Variants in SSH1 observed in about 807,000 individuals in gnomAD.
SSH1 encodes the protein slingshot protein phosphatase 1, also known as protein phosphatase Slingshot homolog 1.
SSH1 carries 43 observed loss-of-function variants against 79.7 expected under a neutral mutation model. That is an observed-to-expected ratio of 0.54 (90% CI 0.42 to 0.70). SSH1 has a LOEUF of 0.70. Among genes scored for constraint, SSH1 ranks in the 30% least tolerant of loss-of-function variants. SSH1 has a pLI of 0.00. For missense variants in SSH1, 1,206 were observed against 1,358.8 expected (o/e 0.89, Z 1.77); for synonymous variants, 599 against 538.3 (o/e 1.11, Z -1.56).
chr12:108,819,608 C>T (rs1408889728), intron 3 of SSH1, among the ~76,000 whole-genome samples: 1 of 152,170 alleles, frequency 6.6e-6, no homozygotes, highest in Admixed American at 6.5e-5. Flanking sequence ...GCAGGAGACT[C>T]ACTTGAGGCC....
Position 108,789,035 on chromosome 12 carries a change from CG to C in SSH1, c.2102del (p.Pro701ArgfsTer34). 6.2e-7 allele frequency: 1 copy of C among 1,608,646 alleles called. No individual in the cohort carries two copies. Among genetic ancestry groups the C allele is most frequent in the Non-Finnish European group, 8.5e-7 (1 of 1,176,314 alleles). On this transcript the variant is annotated frameshift_variant, in exon 15 of 15. Transcript: ENST00000326495. LOFTEE classifies it low-confidence loss of function (END_TRUNC). ...CGGTTGGGCCAGAGGCTGGCTTCTC[CG>C]GAACACGGGACCTGCTGGCCAAGTG... ...VAHLASRSRVPEKPASGPTEP... is the reference protein window; with the variant it reads ...VAHLASRSRVXEKPASGPTEP...
intron 13 of SSH1, among the ~76,000 whole-genome samples, chr12:108,798,010 G>A (rs1378159146): frequency 6.6e-6 from 1 of 152,224 alleles, no homozygotes; most frequent in Non-Finnish European, 1.5e-5. Flanking sequence ...CACACCCTCT[G>A]AGGCCTTAGG....
chr12:108,819,205 T>C (rs1319906136), intron 3 of SSH1, among the ~76,000 whole-genome samples: 1 of 152,234 alleles, frequency 6.6e-6, no homozygotes, highest in East Asian at 1.9e-4. Flanking sequence ...TGTCATTTTC[T>C]CTTTTCTTGC....
At chr12:108,796,934 G>T (rs1485264842) in intron 13 of SSH1, among the ~76,000 whole-genome samples, 1 of 151,950 alleles carries the variant, frequency 6.6e-6, no homozygotes, top group Non-Finnish European at 1.5e-5. Context: ...TAGAGATGGG[G>T]TTTCTCCATG....
Position 108,787,787 on chromosome 12 carries a change from C to T in SSH1, c.*201G>A. The stretch of plus-strand genomic sequence containing the variant: ...GGCGGCTCCTGGTTCTCCCAGGCCA[C>T]ACGACTGACAGCTCCCCTTCTTGTG... On this transcript the variant is annotated 3_prime_UTR_variant, in exon 15 of 15. Transcript: ENST00000326495. 1.5e-6 allele frequency: 1 copy of T among 685,412 alleles called. No individual in the cohort carries two copies. Among genetic ancestry groups the T allele is most frequent in the Non-Finnish European group, 2.4e-6 (1 of 414,828 alleles). The allele number at this position is 685,412 out of a possible 1,614,324, so 42.5% of individuals were successfully genotyped here. A position where few individuals can be genotyped will look rare whatever the true frequency, so the allele number is the denominator to read the frequency against.
At chr12:108,799,245 A>C in intron 12 of SSH1, 45 bp from the exon 13 acceptor site, 1 of 1,530,888 alleles carries the variant, frequency 6.5e-7, no homozygotes, top group Non-Finnish European at 8.9e-7. Flanking sequence ...GGGGAGAAGC[A>C]GTGGGGAAGG....
At chr12:108,824,530 T>G (rs1465652214) in intron 2 of SSH1, among the ~76,000 whole-genome samples, 1 of 152,134 alleles carries the variant, frequency 6.6e-6, no homozygotes, top group African/African-American at 2.4e-5. Flanking sequence ...TAGTCAAGGT[T>G]GTCCTGTCCA....
In SSH1 at chr12:108,807,730, T is replaced by C. The variant is rs922682768; in HGVS notation, c.634A>G (p.Ser212Gly). 6.2e-7 allele frequency: 1 copy of C among 1,613,212 alleles called. No homozygotes were observed. The highest frequency in any genetic ancestry group is 8.5e-7 in the Non-Finnish European group (1 of 1,179,568). The change falls in exon 8 of 15, where the codon AGC (serine) becomes GGC (glycine). Residue 212 changes from serine to glycine, a missense_variant. Around this residue, in one of 5 missense-constraint regions of SSH1, gnomAD observed 116 missense variants for 109.0 expected, o/e 1.06. Transcript: ENST00000326495. The surrounding 1 kb of genome is among the most constrained non-coding windows in gnomAD (Gnocchi z 5.2). ...VALIWATYYE[S>G]CISSEQSCIN... is the part of the protein sequence containing the mutation. ...CAGCTCTGCTCGGAGCTGATGCAGCTCTCATAGTAGGTAGCCCAGATGAGA... is the reference window on the plus strand; with the variant it reads ...CAGCTCTGCTCGGAGCTGATGCAGCCCTCATAGTAGGTAGCCCAGATGAGA...
rs1184280101 is a variant in SSH1, at chr12:108,807,926, ATGAT to A, written c.537-103_537-100del. On this transcript the variant is annotated intron_variant, in intron 7 of 14. Transcript: ENST00000326495. This position sits in a 1 kb window ranked among gnomAD's most constrained non-coding sequence, Gnocchi z 5.2. Reference sequence around the variant, plus strand: ...GTTCAAATACGGGAAGGGAAGGGCAATGATTGATTGGTTGATTATTTCTTTTTGG... The same window carrying A: ...GTTCAAATACGGGAAGGGAAGGGCAATGATTGGTTGATTATTTCTTTTTGG... 1.1e-5 allele frequency: 12 copies of A among 1,052,814 alleles called. No homozygotes were observed. In the East Asian group the frequency reaches 1.3e-4, roughly 11 times the overall value. The allele number at this position is 1,052,814 out of a possible 1,614,324, so 65.2% of individuals were successfully genotyped here.
At chr12:108,801,038 C>T in intron 11 of SSH1, 112 bp from the exon 12 acceptor site, 1 of 1,109,860 alleles carries the variant, frequency 9.0e-7, no homozygotes, top group Admixed American at 2.1e-5. Context: ...AACCAAGGGT[C>T]ATATGTTCGT....
At chr12:108,848,914 G>A (rs754193059) in intron 2 of SSH1, among the ~76,000 whole-genome samples, 3 of 152,162 alleles carry the variant, frequency 2.0e-5, no homozygotes, top group Non-Finnish European at 4.4e-5. Flanking sequence ...GGAGGCACCT[G>A]CCACCAGTTG....
intron 1 of SSH1, among the ~76,000 whole-genome samples, chr12:108,855,958 G>A (rs1402507761): frequency 1.3e-5 from 2 of 152,186 alleles, no homozygotes; most frequent in African/African-American, 4.8e-5. Flanking sequence ...ACCCTACCAG[G>A]AGACAGGGCT....
intron 13 of SSH1, among the ~76,000 whole-genome samples, chr12:108,794,561 C>T (rs898551599): frequency 1.3e-5 from 2 of 152,150 alleles, no homozygotes; most frequent in Non-Finnish European, 2.9e-5. Flanking sequence ...TTATTTACTA[C>T]AAGCCAGATG....
rs1431643372 is a variant in SSH1, at chr12:108,786,063, T to C, written c.*1925A>G. 6.6e-6 allele frequency: 1 copy of C among 152,228 alleles called. No individual in the cohort carries two copies. Among genetic ancestry groups the C allele is most frequent in the Non-Finnish European group, 1.5e-5 (1 of 68,044 alleles). The allele number at this position is 152,228 out of a possible 1,614,324, so 9.4% of individuals were successfully genotyped here. A position where few individuals can be genotyped will look rare whatever the true frequency, so the allele number is the denominator to read the frequency against. ...GGAGGGAGGATTTTTGCAAAAACTGTGCTCACTAGGTAAAATATGAACTAG... is the reference window on the plus strand; with the variant it reads ...GGAGGGAGGATTTTTGCAAAAACTGCGCTCACTAGGTAAAATATGAACTAG... On this transcript the variant is annotated 3_prime_UTR_variant, in exon 15 of 15. Coordinates refer to ENST00000326495, the MANE Select transcript of SSH1 (RefSeq NM_018984.4).
chr12:108,845,516 T>C (rs1250450431), intron 2 of SSH1, among the ~76,000 whole-genome samples: 1 of 152,116 alleles, frequency 6.6e-6, no homozygotes, highest in Admixed American at 6.5e-5. Flanking sequence ...GATGAAACCC[T>C]GTCTCTACTA....
chr12:108,827,634 G>A, intron 2 of SSH1: 4 of 1,099,402 alleles, frequency 3.6e-6, no homozygotes, highest in Non-Finnish European at 4.6e-6. Flanking sequence ...ACTCCTACGG[G>A]CTTTTCTGTA....
At chr12:108,821,414 T>G (rs1285392372) in intron 3 of SSH1, among the ~76,000 whole-genome samples, 1 of 140,812 alleles carries the variant, frequency 7.1e-6, no homozygotes. Context: ...TTCATATAAT[T>G]AAAAAAAAAA....
chr12:108,842,855 G>A (rs2038812176), intron 2 of SSH1, among the ~76,000 whole-genome samples: 1 of 152,144 alleles, frequency 6.6e-6, no homozygotes, highest in South Asian at 2.1e-4. Context: ...ACCTCTCTGG[G>A]GTTTAGTCTT....
chr12:108,816,297 C>T (rs2037882206), intron 5 of SSH1, among the ~76,000 whole-genome samples: 1 of 152,196 alleles, frequency 6.6e-6, no homozygotes, highest in African/African-American at 2.4e-5. Flanking sequence ...TGGGCCTAGC[C>T]CATTGCCTCA....
Sources: allele counts gnomAD v4.1 joint callset (sites outside exome capture counted in the v4.1 genomes callset), GRCh38; gene constraint gnomAD v4.1.1; regional missense constraint gnomAD v4.1.1; non-coding constraint Gnocchi (gnomAD v3.1); transcripts MANE v1.5; gene names NCBI Gene and HGNC (gene_info 2026-07-23, HGNC 2026-07-21).